INPP4B: variants seen among roughly 807,000 people sequenced by gnomAD.
INPP4B encodes the protein inositol polyphosphate 4-phosphatase type II.
Under a neutral mutation model 122.5 loss-of-function variants are expected in INPP4B, and 55 were observed. The observed-to-expected ratio is 0.45, with a 90% confidence interval of 0.36 to 0.56. The LOEUF (loss-of-function observed/expected upper bound fraction) is 0.56. Ranked by LOEUF, INPP4B falls within the 20% of genes least tolerant of loss-of-function variation. The pLI, the probability that INPP4B is intolerant of heterozygous loss-of-function variation, is 0.00. For synonymous variants in INPP4B, 403 were observed against 388.7 expected (o/e 1.04, Z -0.43); for missense variants, 1,000 against 1,097.7 (o/e 0.91, Z 1.26).
intron 25 of INPP4B, among the ~76,000 whole-genome samples, chr4:142,073,531 T>A (rs1212371763): frequency 6.6e-6 from 1 of 152,092 alleles, no homozygotes; most frequent in Non-Finnish European, 1.5e-5. Context: ...TATGACAGTG[T>A]TTACCTGAGT....
intron 2 of INPP4B, among the ~76,000 whole-genome samples, chr4:142,686,765 T>C (rs1346992448): frequency 6.6e-6 from 1 of 152,066 alleles, no homozygotes; most frequent in Non-Finnish European, 1.5e-5. Flanking sequence ...CATGTGCTAC[T>C]TATAATTTGA....
intron 2 of INPP4B, among the ~76,000 whole-genome samples, chr4:142,530,272 C>A (rs1469847901): frequency 6.6e-6 from 1 of 151,958 alleles, no homozygotes; most frequent in Non-Finnish European, 1.5e-5. Flanking sequence ...TGGCTTTATT[C>A]CTTCTGCAAG....
chr4:142,727,927 ACAGT>A (rs1463248099), intron 1 of INPP4B, among the ~76,000 whole-genome samples: 13 of 152,204 alleles, frequency 8.5e-5, no homozygotes, highest in Non-Finnish European at 1.3e-4. Flanking sequence ...CACACGGCTG[ACAGT>A]CAGCGCTATT....
intron 17 of INPP4B, among the ~76,000 whole-genome samples, chr4:142,149,552 A>C (rs1280989446): frequency 6.6e-6 from 1 of 152,172 alleles, no homozygotes; most frequent in Non-Finnish European, 1.5e-5. Context: ...AAGCAGAAAA[A>C]AAAACAAAAA....
chr4:142,629,293 AT>A (rs1399182171), intron 2 of INPP4B, among the ~76,000 whole-genome samples: 3 of 152,080 alleles, frequency 2.0e-5, no homozygotes, highest in Non-Finnish European at 1.5e-5. Context: ...TCAACAAATG[AT>A]TATGGATTGT....
At chr4:142,845,798 G>A (rs1030535813) in intron 1 of INPP4B, among the ~76,000 whole-genome samples, 4 of 152,016 alleles carry the variant, frequency 2.6e-5, no homozygotes, top group African/African-American at 7.2e-5. Context: ...CGAGTGCCCG[G>A]GCCAACCTCA....
intron 2 of INPP4B, among the ~76,000 whole-genome samples, chr4:142,582,055 T>G (rs540579583): frequency 6.6e-6 from 1 of 152,216 alleles, no homozygotes; most frequent in East Asian, 1.9e-4. Context: ...GGCATGCACA[T>G]GCTGTACATG....
intron 2 of INPP4B, among the ~76,000 whole-genome samples, chr4:142,464,785 G>C (rs1216916245): frequency 6.6e-6 from 1 of 152,052 alleles, no homozygotes; most frequent in Admixed American, 6.6e-5. Context: ...AAGATACTTT[G>C]GTCTAAATTT....
intron 5 of INPP4B, among the ~76,000 whole-genome samples, chr4:142,413,454 T>C (rs1805027983): frequency 6.6e-6 from 1 of 152,184 alleles, no homozygotes; most frequent in African/African-American, 2.4e-5. Flanking sequence ...CAAGAATCTC[T>C]TAGGCATATT....
At chr4:142,540,918 T>C (rs1828871956) in intron 2 of INPP4B, among the ~76,000 whole-genome samples, 1 of 152,174 alleles carries the variant, frequency 6.6e-6, no homozygotes, top group South Asian at 2.1e-4. Context: ...CAAATATATT[T>C]TTATTGTGCT....
At chr4:142,440,732 AAAAT>A (rs59199145) in intron 3 of INPP4B, among the ~76,000 whole-genome samples, 18,650 of 152,072 alleles carry the variant, frequency 0.12, 1,645 homozygotes, top group East Asian at 0.38. Context: ...CTTCTTTTTT[AAAAT>A]AAATACATTT....
intron 1 of INPP4B, among the ~76,000 whole-genome samples, chr4:142,767,298 C>T (rs967396486): frequency 2.0e-5 from 3 of 152,080 alleles, no homozygotes; most frequent in African/African-American, 7.2e-5. Flanking sequence ...AAGCAGTATG[C>T]CCTTGCTTCC....
At position 142,554,454 on chromosome 4, in the gene INPP4B, T is replaced by C. The variant is rs943371539; in HGVS notation, c.-190-91728A>G. ...TGATCTCCTCAAATCAGTAGGAATA[T>C]AAAGCAACTCTGCTCATGTCACACC... On this transcript the variant is annotated intron_variant, in intron 2 of 25. Coordinates refer to ENST00000262992, the MANE Select transcript of INPP4B (RefSeq NM_001101669.3). 4.6e-5 allele frequency among the ~76,000 whole-genome samples: 7 copies of C among 151,598 alleles called. No homozygotes were observed. In the East Asian group the frequency reaches 1.4e-3, roughly 29 times the overall value.
At chr4:142,435,095 A>T (rs886506527) in intron 3 of INPP4B, among the ~76,000 whole-genome samples, 6 of 152,130 alleles carry the variant, frequency 3.9e-5, no homozygotes, top group Non-Finnish European at 8.8e-5. Context: ...AACACATGAG[A>T]CAAATGAGTT....
At chr4:142,801,537 G>A (rs1778008480) in intron 1 of INPP4B, among the ~76,000 whole-genome samples, 1 of 152,166 alleles carries the variant, frequency 6.6e-6, no homozygotes, top group East Asian at 1.9e-4. Context: ...AACCAAACCT[G>A]CCAACTCCAT....
At chr4:142,255,689 C>A (rs1172637823) in intron 11 of INPP4B, among the ~76,000 whole-genome samples, 2 of 152,110 alleles carry the variant, frequency 1.3e-5, no homozygotes, top group Admixed American at 6.6e-5. Context: ...TACAGGAGCA[C>A]CCAGATTCAT....
chr4:142,383,832 T>A (rs1795034055), intron 7 of INPP4B: 1 of 458,774 alleles, frequency 2.2e-6, no homozygotes, highest in Non-Finnish European at 3.9e-6. Context: ...GGACCTTGAC[T>A]TTATTTATGA....
intron 7 of INPP4B, among the ~76,000 whole-genome samples, chr4:142,347,088 C>T (rs1006023198): frequency 1.3e-5 from 2 of 152,038 alleles, no homozygotes; most frequent in African/African-American, 4.8e-5. Flanking sequence ...GCCTAGATAA[C>T]CAACCGTATC....
chr4:142,366,606 G>A (rs1373667889), intron 7 of INPP4B, among the ~76,000 whole-genome samples: 1 of 152,058 alleles, frequency 6.6e-6, no homozygotes, highest in Non-Finnish European at 1.5e-5. Context: ...ATCATGCATG[G>A]TGCCTGATGG....
Sources: gnomAD v4.1 joint callset for allele counts (sites outside exome capture counted in the v4.1 genomes callset) on GRCh38, gnomAD v4.1.1 for gene constraint, MANE v1.5 for transcripts, NCBI Gene and HGNC (gene_info 2026-07-23, HGNC 2026-07-21) for gene names.